Variants in FBXW2 observed in about 807,000 individuals in gnomAD.
FBXW2 encodes the protein F-box/WD repeat-containing protein 2.
A neutral mutation model predicts 46.0 loss-of-function variants in FBXW2; 12 were observed. The ratio of observed to expected loss-of-function variants is 0.26; its 90% confidence interval spans 0.17 to 0.42. FBXW2 has a LOEUF of 0.42. Ranked by LOEUF, FBXW2 falls within the 10% of genes least tolerant of loss-of-function variation. The probability of loss-of-function intolerance (pLI) is 1.00; values close to 1 mark genes in which losing one functional copy is unlikely to be tolerated. For missense variants in FBXW2, 360 were observed against 537.0 expected, an observed-to-expected ratio of 0.67 and a Z score of 3.26; for synonymous variants, 203 against 209.6, an observed-to-expected ratio of 0.97 and a Z score of 0.27.
At chr9:120,775,935 C>T (rs2044484130) in intron 5 of FBXW2, among the ~76,000 whole-genome samples, 158 bp downstream of exon 5, 1 of 152,120 alleles carries the variant, frequency 6.6e-6, no homozygotes, top group African/African-American at 2.4e-5. Flanking sequence ...GTATTAAGTA[C>T]CTTCTACTTG....
At chr9:120,768,214 C>T (rs1382346609) in intron 7 of FBXW2, among the ~76,000 whole-genome samples, 1 of 152,182 alleles carries the variant, frequency 6.6e-6, no homozygotes, top group African/African-American at 2.4e-5. Context: ...TTATACTCAC[C>T]CTTTAGAGCT....
At chr9:120,776,059 T>A in intron 5 of FBXW2, 34 bp downstream of exon 5, 1 of 1,611,114 alleles carries the variant, frequency 6.2e-7, no homozygotes, top group Non-Finnish European at 8.5e-7. Context: ...TCAAAAAGCC[T>A]GATAAGCAGG....
intron 2 of FBXW2, chr9:120,792,886 C>T (rs1382626982): frequency 6.6e-7 from 1 of 1,517,862 alleles, no homozygotes; most frequent in South Asian, 1.2e-5. Flanking sequence ...CACATACACA[C>T]CTGTTTTCAT....
In FBXW2 at chr9:120,778,364, C is replaced by A; in HGVS notation, c.672G>T (p.Gly224=). Residue 224 remains glycine (G), a synonymous_variant, in exon 4 of 8, where the codon GGG becomes GGT. Coordinates refer to ENST00000608872, the MANE Select transcript of FBXW2 (RefSeq NM_012164.4). ...AGGGCAACCCACCCGCCCCCGTGTG[C>A]CCCCGAAAGTGCTGGGTCCTGGCTC... ...SSGARTQHFR[G]HTGAVFSVDY... is the part of the protein sequence containing the mutation. 6.2e-7 allele frequency: 1 copy of A among 1,611,502 alleles called. No individual in the cohort carries two copies. Among genetic ancestry groups the A allele is most frequent in the Non-Finnish European group, 8.5e-7 (1 of 1,179,042 alleles).
At chr9:120,786,570 T>C (rs1421671655) in intron 3 of FBXW2, among the ~76,000 whole-genome samples, 1 of 152,184 alleles carries the variant, frequency 6.6e-6, no homozygotes, top group Admixed American at 6.5e-5. Context: ...TGCATTAATA[T>C]GGAAATGGCT....
chr9:120,773,956 C>T (rs1179901864), intron 5 of FBXW2, among the ~76,000 whole-genome samples: 4 of 152,122 alleles, frequency 2.6e-5, no homozygotes, highest in Non-Finnish European at 4.4e-5. Context: ...TTTGAGAGGC[C>T]GAGGAGGGAG....
chr9:120,768,482 T>G (rs1403602323), intron 7 of FBXW2, among the ~76,000 whole-genome samples: 1 of 152,080 alleles, frequency 6.6e-6, no homozygotes, highest in African/African-American at 2.4e-5. Flanking sequence ...AAGAATAAAG[T>G]AGTGGTGAAA....
In FBXW2 at chr9:120,759,694, G is replaced by A. The variant is rs2044168260; in HGVS notation, c.*4865C>T. 1 of 152,206 alleles carries A rather than the reference G, an allele frequency of 6.6e-6. No individual in the cohort carries two copies. Among genetic ancestry groups the A allele is most frequent in the South Asian group, 2.1e-4 (1 of 4,838 alleles). The allele number at this position is 152,206 out of a possible 1,614,324, so 9.4% of individuals were successfully genotyped here. Reference sequence around the variant, plus strand: ...TCTGAATTACTAATTTTCCAGGGTTGAATATTAAAAACACATATTTACTTG... The same window carrying A: ...TCTGAATTACTAATTTTCCAGGGTTAAATATTAAAAACACATATTTACTTG... On this transcript the variant is annotated 3_prime_UTR_variant, in exon 8 of 8. Coordinates refer to ENST00000608872, the MANE Select transcript of FBXW2 (RefSeq NM_012164.4).
Position 120,785,158 on chromosome 9 carries a change from G to T in FBXW2, c.490+2611C>A, listed in dbSNP as rs1022989292. 2.0e-5 allele frequency among the ~76,000 whole-genome samples: 3 copies of T among 151,700 alleles called. No homozygotes were observed. In the East Asian group the frequency reaches 5.9e-4, roughly 30 times the overall value. On this transcript the variant is annotated intron_variant, in intron 3 of 7. Coordinates refer to ENST00000608872, the MANE Select transcript of FBXW2 (RefSeq NM_012164.4). ...CAAGTAGTTGGGACCACAGGTGTGA[G>T]CCAGCACACCCAGCTGTTTTTTTAT...
intron 3 of FBXW2, among the ~76,000 whole-genome samples, 166 bp from the exon 4 acceptor site, chr9:120,778,711 A>G (rs999344385): frequency 1.3e-5 from 2 of 152,228 alleles, no homozygotes; most frequent in African/African-American, 4.8e-5. Context: ...CAACTTGCTT[A>G]GAGTCACCAA....
chr9:120,781,795 G>T (rs183187538), intron 3 of FBXW2, among the ~76,000 whole-genome samples: 1 of 151,738 alleles, frequency 6.6e-6, no homozygotes, highest in Non-Finnish European at 1.5e-5. Context: ...GGCCGAGGCG[G>T]GAGGATCACC....
intron 3 of FBXW2, among the ~76,000 whole-genome samples, chr9:120,780,874 G>T (rs1466549329): frequency 6.6e-6 from 1 of 152,068 alleles, no homozygotes; most frequent in African/African-American, 2.4e-5. Flanking sequence ...TACAAGGAGA[G>T]GACAAGAAGA....
intron 4 of FBXW2, chr9:120,776,436 A>G (rs1342680698): frequency 1.9e-6 from 1 of 539,746 alleles, no homozygotes; most frequent in East Asian, 3.5e-5. Context: ...AGTCCTAGGA[A>G]TAATACAATC....
At chr9:120,770,644 G>C (rs139608967) in intron 7 of FBXW2, among the ~76,000 whole-genome samples, 198 of 152,274 alleles carry the variant, frequency 1.3e-3, no homozygotes, top group South Asian at 7.1e-3. Flanking sequence ...ATGAAATTGA[G>C]CTACAGAGGA....
chr9:120,779,959 G>A (rs78873348), intron 3 of FBXW2, among the ~76,000 whole-genome samples: 2,628 of 151,674 alleles, frequency 0.017, 91 homozygotes, highest in African/African-American at 0.062. Context: ...CAAGACCATC[G>A]CGAAACCCTG....
At chr9:120,783,464 TA>T (rs1178643869) in intron 3 of FBXW2, among the ~76,000 whole-genome samples, 1 of 152,046 alleles carries the variant, frequency 6.6e-6, no homozygotes, top group Admixed American at 6.6e-5. Flanking sequence ...AATAATACTT[TA>T]AAAAAAATCA....
Position 120,759,455 on chromosome 9 carries a change from A to AT in FBXW2, c.*5103dup, listed in dbSNP as rs1320588746. On this transcript the variant is annotated 3_prime_UTR_variant, in exon 8 of 8. Coordinates refer to ENST00000608872, the MANE Select transcript of FBXW2 (RefSeq NM_012164.4). ...CTTCCCCCTACCCCACACAGTTCAA[A>AT]TATAAACTTTATCTCATGCCCTCTA... is the stretch of plus-strand genomic sequence containing the variant. 1 of 152,206 alleles carries AT rather than the reference A, an allele frequency of 6.6e-6. No homozygotes were observed. The highest frequency in any genetic ancestry group is 1.5e-5 in the Non-Finnish European group (1 of 68,042). The allele number at this position is 152,206 out of a possible 1,614,324, so 9.4% of individuals were successfully genotyped here.
At chr9:120,792,710 AC>A (rs1471860501) in intron 2 of FBXW2, among the ~76,000 whole-genome samples, 2 of 152,202 alleles carry the variant, frequency 1.3e-5, no homozygotes, top group Admixed American at 1.3e-4. Context: ...CTTGTAAAAT[AC>A]AGCCAAGAGC....
intron 4 of FBXW2, 146 bp from the exon 5 acceptor site, chr9:120,776,372 T>G: frequency 2.3e-6 from 2 of 857,626 alleles, no homozygotes; most frequent in Non-Finnish European, 3.4e-6. Context: ...AGCAATTTTC[T>G]GATAAAACTA....
Sources: allele counts gnomAD v4.1 joint callset (sites outside exome capture counted in the v4.1 genomes callset), GRCh38; gene constraint gnomAD v4.1.1; transcripts MANE v1.5; gene names NCBI Gene and HGNC (gene_info 2026-07-23, HGNC 2026-07-21).